Variants in ARL14EPL observed in about 807,000 individuals in gnomAD.
The protein encoded by ARL14EPL is ARL14 effector protein-like.
In ARL14EPL, 17 loss-of-function variants were observed where a neutral mutation model predicts 15.9. The ratio of observed to expected loss-of-function variants is 1.07; its 90% CI spans 0.73 to 1.60. ARL14EPL has a LOEUF of 1.60. Among genes scored for constraint, ARL14EPL ranks in the 40% most tolerant of loss-of-function variants. The pLI, the probability that ARL14EPL is intolerant of heterozygous loss-of-function variation, is 0.00. For missense variants in ARL14EPL, 214 were observed against 185.9 expected, an observed-to-expected ratio of 1.15 and a Z score of -0.88; for synonymous variants, 78 against 63.8, an observed-to-expected ratio of 1.22 and a Z score of -1.06.
At chr5:116,053,274 C>T (rs908192215) in intron 2 of ARL14EPL, among the ~76,000 whole-genome samples, 1 of 151,750 alleles carries the variant, frequency 6.6e-6, no homozygotes, top group East Asian at 1.9e-4. Context: ...ATCACTTGAG[C>T]CCCGGGGATT....
At chr5:116,054,178 G>A in intron 3 of ARL14EPL, 25 bp downstream of exon 3, 3 of 1,517,010 alleles carry the variant, frequency 2.0e-6, no homozygotes, top group Non-Finnish European at 2.6e-6. Context: ...TATTGTATTT[G>A]ATCTGTGGGA....
chr5:116,050,816 T>TCTC (rs1561579525), intron 1 of ARL14EPL, among the ~76,000 whole-genome samples: 16 of 81,520 alleles, frequency 2.0e-4, no homozygotes, highest in Admixed American at 9.6e-4. Flanking sequence ...CTCTCTCTCT[T>TCTC]ACACACACAC....
intron 1 of ARL14EPL, among the ~76,000 whole-genome samples, chr5:116,034,814 A>G (rs1285791767): frequency 1.3e-5 from 2 of 152,230 alleles, no homozygotes; most frequent in Non-Finnish European, 2.9e-5. Flanking sequence ...GTTTTAGCAA[A>G]GAGATTTCAA....
At chr5:116,041,597 C>T (rs1413672795) in intron 1 of ARL14EPL, among the ~76,000 whole-genome samples, 2 of 152,106 alleles carry the variant, frequency 1.3e-5, no homozygotes, top group Admixed American at 1.3e-4. Flanking sequence ...AGTCTATATA[C>T]ACACACAGAA....
chr5:116,058,643 A>T, intron 3 of ARL14EPL, 82 bp from the exon 4 acceptor site: 2 of 1,311,492 alleles, frequency 1.5e-6, no homozygotes, highest in East Asian at 2.5e-5. Flanking sequence ...GGTCATGTGT[A>T]TGATGTTGAT....
intron 1 of ARL14EPL, among the ~76,000 whole-genome samples, chr5:116,042,134 A>G (rs1211689822): frequency 6.6e-6 from 1 of 152,090 alleles, no homozygotes; most frequent in Non-Finnish European, 1.5e-5. Flanking sequence ...TCTGACCAGG[A>G]GTCTTTCTTG....
chr5:116,049,854 A>T (rs1370652353), intron 1 of ARL14EPL, among the ~76,000 whole-genome samples: 1 of 152,206 alleles, frequency 6.6e-6, no homozygotes, highest in Non-Finnish European at 1.5e-5. Context: ...ACATTTTTTC[A>T]CAGCCCCAAG....
At chr5:116,043,250 G>C (rs997012954) in intron 1 of ARL14EPL, among the ~76,000 whole-genome samples, 1 of 151,598 alleles carries the variant, frequency 6.6e-6, no homozygotes, top group South Asian at 2.1e-4. Context: ...GCACCAACCT[G>C]ATAATACCAC....
rs879783245 is a variant in ARL14EPL at position 116,042,010 on chromosome 5, G to A, written c.-9-9447G>A. ...TGCTCGGCTAATTTTTTTATTTTTTGTAAAGACAGGGGGTCTCACCATGTT... is the reference window on the plus strand; with the variant it reads ...TGCTCGGCTAATTTTTTTATTTTTTATAAAGACAGGGGGTCTCACCATGTT... On this transcript the variant is annotated intron_variant, in intron 1 of 3. Coordinates refer to ENST00000686077, the MANE Select transcript of ARL14EPL (RefSeq NM_001195581.2). 6.6e-5 allele frequency among the ~76,000 whole-genome samples: 10 copies of A among 151,854 alleles called. No homozygotes were observed. In the East Asian group the frequency reaches 1.7e-3, roughly 27 times the overall value.
intron 1 of ARL14EPL, among the ~76,000 whole-genome samples, chr5:116,033,664 A>G (rs1030004943): frequency 3.3e-5 from 5 of 152,152 alleles, no homozygotes; most frequent in Admixed American, 6.5e-5. Flanking sequence ...GATATTATCT[A>G]CTCTATTTTA....
chr5:116,043,876 T>C (rs1026921296), intron 1 of ARL14EPL, among the ~76,000 whole-genome samples: 2 of 152,204 alleles, frequency 1.3e-5, no homozygotes, highest in Non-Finnish European at 2.9e-5. Context: ...GTTGCTGTAG[T>C]ACATTAGCAA....
chr5:116,042,498 A>G (rs1749179844), intron 1 of ARL14EPL, among the ~76,000 whole-genome samples: 1 of 152,216 alleles, frequency 6.6e-6, no homozygotes, highest in Non-Finnish European at 1.5e-5. Context: ...GTACCTTTTC[A>G]AAAATACAAC....
At chr5:116,044,503 A>ATATATGTGTGTG in intron 1 of ARL14EPL, among the ~76,000 whole-genome samples, 1 of 48,644 alleles carries the variant, frequency 2.1e-5, no homozygotes, top group Admixed American at 1.9e-4. Flanking sequence ...ATGTGTGTGT[A>ATATATGTGTGTG]TATATATATG....
In ARL14EPL at chr5:116,058,963, G is replaced by A; in HGVS notation, c.*16G>A. Reference sequence around the variant, plus strand: ...TCCTGACTAGGTGCTCTTGTATATGGACTGATTTGTTTCTTCTTCTTACAC... The same window carrying A: ...TCCTGACTAGGTGCTCTTGTATATGAACTGATTTGTTTCTTCTTCTTACAC... On this transcript the variant is annotated 3_prime_UTR_variant, in exon 4 of 4. Coordinates refer to ENST00000686077, the MANE Select transcript of ARL14EPL (RefSeq NM_001195581.2). 13 of 1,529,558 alleles carry A rather than the reference G, an allele frequency of 8.5e-6. No individual in the cohort carries two copies. The highest frequency in any genetic ancestry group is 1.1e-5 in the Non-Finnish European group (13 of 1,141,192). The allele number at this position is 1,529,558 out of a possible 1,614,324, so 94.7% of individuals were successfully genotyped here.
At chr5:116,053,887 G>C in intron 2 of ARL14EPL, 127 bp from the exon 3 acceptor site, 4 of 727,500 alleles carry the variant, frequency 5.5e-6, no homozygotes, top group Non-Finnish European at 8.2e-6. Context: ...AATCGTTTAT[G>C]TCTTTGTGTA....
At chr5:116,039,566 A>G (rs1749110043) in intron 1 of ARL14EPL, among the ~76,000 whole-genome samples, 1 of 152,184 alleles carries the variant, frequency 6.6e-6, no homozygotes, top group Admixed American at 6.5e-5. Flanking sequence ...AATGAGATTT[A>G]TATCCCGAAA....
chr5:116,054,049 T>C lies in ARL14EPL; in HGVS notation c.132T>C (p.Phe44=). 2.6e-6 allele frequency: 4 copies of C among 1,535,514 alleles called. No individual in the cohort carries two copies. The African/African-American group carries it at 4.1e-5, about 16-fold the overall frequency. Residue 44 remains phenylalanine, a synonymous_variant, in exon 3 of 4, where the codon TTT becomes TTC. Coordinates refer to ENST00000686077, the MANE Select transcript of ARL14EPL (RefSeq NM_001195581.2). ...AGCGGCAGTTAAAATGCTTGGCATT[T>C]CGAAACCCTGGACCACAGGTAGCAG... ...QIERQLKCLA[F]RNPGPQVADF...
At chr5:116,037,718 G>A (rs1041956890) in intron 1 of ARL14EPL, among the ~76,000 whole-genome samples, 22 of 152,132 alleles carry the variant, frequency 1.4e-4, no homozygotes, top group African/African-American at 5.3e-4. Context: ...TTTAAAAATT[G>A]TGAAATACAT....
chr5:116,056,997 C>A (rs1017455841), intron 3 of ARL14EPL, among the ~76,000 whole-genome samples: 2 of 152,122 alleles, frequency 1.3e-5, no homozygotes, highest in Non-Finnish European at 1.5e-5. Context: ...GACGAATATC[C>A]CTGATGAACA....
Sources: gnomAD v4.1 joint callset for allele counts (sites outside exome capture counted in the v4.1 genomes callset) on GRCh38, gnomAD v4.1.1 for gene constraint, MANE v1.5 for transcripts, NCBI Gene and HGNC (gene_info 2026-07-23, HGNC 2026-07-21) for gene names.